The following GSK3B variants were observed in gnomAD, a reference collection of about 807,000 sequenced individuals.
GSK3B encodes glycogen synthase kinase-3 beta.
Under a neutral mutation model 56.4 loss-of-function variants are expected in GSK3B, and 15 were observed. That is an observed-to-expected ratio of 0.27 (90% CI 0.18 to 0.41). The LOEUF (loss-of-function observed/expected upper bound fraction) is 0.41. Among genes scored for constraint, GSK3B ranks in the 10% least tolerant of loss-of-function variants. GSK3B has a pLI of 1.00. For synonymous variants in GSK3B, 181 were observed against 188.9 expected, an observed-to-expected ratio of 0.96 and a Z score of 0.34; for missense variants, 300 against 513.4, an observed-to-expected ratio of 0.58 and a Z score of 4.02.
intron 1 of GSK3B, among the ~76,000 whole-genome samples, chr3:120,018,184 G>A (rs1035012425): frequency 6.6e-6 from 1 of 152,120 alleles, no homozygotes; most frequent in African/African-American, 2.4e-5. Flanking sequence ...TACTAAATCA[G>A]GGAGAAGGGA....
intron 4 of GSK3B, among the ~76,000 whole-genome samples, chr3:119,918,089 G>A (rs2056799454): frequency 6.6e-6 from 1 of 152,148 alleles, no homozygotes; most frequent in Non-Finnish European, 1.5e-5. Flanking sequence ...ATATTCTGTA[G>A]TGGTTTGAGT....
intron 7 of GSK3B, among the ~76,000 whole-genome samples, chr3:119,899,133 G>A (rs974411209): frequency 1.3e-5 from 2 of 152,040 alleles, no homozygotes; most frequent in East Asian, 3.9e-4. Flanking sequence ...TGATGTCGAT[G>A]ACTAACGGGC....
At chr3:119,947,073 C>T (rs1252482602) in intron 3 of GSK3B, among the ~76,000 whole-genome samples, 195 bp downstream of exon 3, 1 of 152,042 alleles carries the variant, frequency 6.6e-6, no homozygotes, top group Admixed American at 6.5e-5. Context: ...AGTGCATTCC[C>T]TTTATCTTAC....
intron 1 of GSK3B, among the ~76,000 whole-genome samples, chr3:120,015,711 A>G (rs1003909552): frequency 1.3e-5 from 2 of 149,152 alleles, no homozygotes; most frequent in African/African-American, 4.9e-5. Context: ...TACATTTCCC[A>G]TGTGCACTAG....
Position 119,823,458 on chromosome 3 carries a change from C to G in GSK3B, c.*3330G>C, listed in dbSNP as rs187749667. Reference sequence around the variant, plus strand: ...AAAACCTGATACTATTAAGAAACTTCGATTTATAAAAAAACAATTCTCTGT... The same window carrying G: ...AAAACCTGATACTATTAAGAAACTTGGATTTATAAAAAAACAATTCTCTGT... On this transcript the variant is annotated 3_prime_UTR_variant, in exon 11 of 11. Coordinates refer to ENST00000264235, the MANE Select transcript of GSK3B (RefSeq NM_001146156.2). 20 of 193,216 alleles carry G rather than the reference C, an allele frequency of 1.0e-4. No homozygotes were observed. In the East Asian group the frequency reaches 1.6e-3, roughly 16 times the overall value. 12.0% of individuals were successfully genotyped at this position (193,216 alleles called of 1,614,324 possible). A position where few individuals can be genotyped will look rare whatever the true frequency, so the allele number is the denominator to read the frequency against.
At chr3:120,003,113 A>T (rs2057694774) in intron 1 of GSK3B, among the ~76,000 whole-genome samples, 1 of 152,222 alleles carries the variant, frequency 6.6e-6, no homozygotes, top group South Asian at 2.1e-4. Context: ...GTTAACAGAT[A>T]TAAAAATTTA....
chr3:119,990,159 C>G (rs563401841), intron 2 of GSK3B, among the ~76,000 whole-genome samples: 17 of 152,126 alleles, frequency 1.1e-4, no homozygotes, highest in Admixed American at 1.1e-3. Context: ...GACATGCTAG[C>G]CCCGAAATAA....
At chr3:119,944,550 A>G (rs1049440344) in intron 3 of GSK3B, among the ~76,000 whole-genome samples, 5 of 152,172 alleles carry the variant, frequency 3.3e-5, no homozygotes, top group African/African-American at 1.2e-4. Flanking sequence ...GGCAATAAAT[A>G]TTGCCAAACC....
intron 3 of GSK3B, among the ~76,000 whole-genome samples, chr3:119,932,972 C>T (rs1334639999): frequency 6.6e-6 from 1 of 152,098 alleles, no homozygotes; most frequent in Non-Finnish European, 1.5e-5. Flanking sequence ...GTGGCAGACA[C>T]CTGTAATCTT....
intron 3 of GSK3B, among the ~76,000 whole-genome samples, chr3:119,933,489 TA>T (rs1188253856): frequency 6.6e-6 from 1 of 152,164 alleles, no homozygotes; most frequent in Non-Finnish European, 1.5e-5. Context: ...AGCAAGAAAT[TA>T]AAAACACATC....
At chr3:120,087,298 C>T (rs145009882) in intron 1 of GSK3B, among the ~76,000 whole-genome samples, 240 of 152,136 alleles carry the variant, frequency 1.6e-3, no homozygotes, top group Admixed American at 3.5e-3. Flanking sequence ...TTTGGGAGGC[C>T]GAGGTGGGAA....
intron 9 of GSK3B, among the ~76,000 whole-genome samples, chr3:119,847,918 TTA>T (rs1332378529): frequency 6.6e-6 from 1 of 152,178 alleles, no homozygotes; most frequent in East Asian, 1.9e-4. Flanking sequence ...ATCCAACTGT[TTA>T]TGAGCCAATG....
In GSK3B at chr3:119,961,836, T is replaced by C. The variant is rs563016510; in HGVS notation, c.283-14485A>G. On this transcript the variant is annotated intron_variant, in intron 2 of 10. Coordinates refer to ENST00000264235, the MANE Select transcript of GSK3B (RefSeq NM_001146156.2). Reference sequence around the variant, plus strand: ...TGTGTACATTAATGATGAGTACCCATATAGTATTCAATAAATTACATGAGA... The same window carrying C: ...TGTGTACATTAATGATGAGTACCCACATAGTATTCAATAAATTACATGAGA... Among the ~76,000 whole-genome samples the C allele has an allele frequency of 2.6e-5, 4 of 152,288 alleles. No individual in the cohort carries two copies. In the East Asian group the frequency reaches 5.8e-4, roughly 22 times the overall value.
At chr3:120,074,294 T>G (rs2107567857) in intron 1 of GSK3B, among the ~76,000 whole-genome samples, 1 of 150,220 alleles carries the variant, frequency 6.7e-6, no homozygotes, top group South Asian at 2.1e-4. Flanking sequence ...AGTGAGGCCC[T>G]GTCTCTAAAA....
intron 2 of GSK3B, among the ~76,000 whole-genome samples, chr3:119,969,776 C>T (rs547619767): frequency 2.6e-5 from 4 of 152,186 alleles, no homozygotes; most frequent in Non-Finnish European, 4.4e-5. Context: ...CATTTATCCA[C>T]GGTTTCATTT....
At chr3:120,063,623 G>A (rs334560) in intron 1 of GSK3B, among the ~76,000 whole-genome samples, 32,346 of 151,536 alleles carry the variant, frequency 0.21, 3,715 homozygotes, top group African/African-American at 0.3. Context: ...AGCTACTTGG[G>A]AGGCTGAGGC....
intron 9 of GSK3B, among the ~76,000 whole-genome samples, chr3:119,849,767 T>C (rs2055902457): frequency 6.6e-6 from 1 of 152,192 alleles, no homozygotes; most frequent in South Asian, 2.1e-4. Context: ...TAAAATGGCA[T>C]AGTATTTACA....
intron 3 of GSK3B, among the ~76,000 whole-genome samples, chr3:119,946,352 A>T (rs936083364): frequency 1.3e-5 from 2 of 152,194 alleles, no homozygotes; most frequent in Admixed American, 1.3e-4. Flanking sequence ...AAAGCTTAAT[A>T]GAAAATGGCT....
At chr3:119,943,778 A>C (rs1176968151) in intron 3 of GSK3B, among the ~76,000 whole-genome samples, 2 of 151,958 alleles carry the variant, frequency 1.3e-5, no homozygotes, top group Non-Finnish European at 2.9e-5. Flanking sequence ...AGAGAGAAAA[A>C]GGGTGTGGGG....
Sources: gnomAD v4.1 joint callset for allele counts (sites outside exome capture counted in the v4.1 genomes callset) on GRCh38, gnomAD v4.1.1 for gene constraint, MANE v1.5 for transcripts, NCBI Gene and HGNC (gene_info 2026-07-23, HGNC 2026-07-21) for gene names.